The following PCDHGA1 variants were observed in gnomAD, a reference collection of about 807,000 sequenced individuals.
The protein encoded by PCDHGA1 is protocadherin gamma-A1.
Under a neutral mutation model 58.0 loss-of-function variants are expected in PCDHGA1, and 32 were observed. That is an observed-to-expected ratio of 0.55 (90% CI 0.42 to 0.74). The LOEUF is 0.74. Ranked by LOEUF, PCDHGA1 falls within the 30% of genes least tolerant of loss-of-function variation. The pLI is 0.00. For synonymous variants in PCDHGA1, 498 were observed against 501.1 expected (o/e 0.99, Z 0.08); for missense variants, 1,205 against 1,182.3 (o/e 1.02, Z -0.28).
At chr5:141,437,195 A>G (rs2097867163) in intron 1 of PCDHGA1, among the ~76,000 whole-genome samples, 2 of 152,180 alleles carry the variant, frequency 1.3e-5, no homozygotes, top group African/African-American at 4.8e-5. Context: ...ATGGGTTTGG[A>G]TGTGTTTACA....
At chr5:141,377,569 C>A (rs1774120455) in intron 1 of PCDHGA1, 1 of 151,048 alleles carries the variant, frequency 6.6e-6, no homozygotes, top group African/African-American at 2.4e-5. Context: ...GCACCCTAGC[C>A]TGGGAGACAG....
At chr5:141,414,890 C>T in intron 1 of PCDHGA1, 5 of 1,614,232 alleles carry the variant, frequency 3.1e-6, no homozygotes, top group Non-Finnish European at 4.2e-6. Context: ...CCCGCCCTCC[C>T]CACAGACGGT....
chr5:141,390,746 T>C (rs1391007986), intron 1 of PCDHGA1: 1 of 172,782 alleles, frequency 5.8e-6, no homozygotes, highest in African/African-American at 2.4e-5. Context: ...TCCATAGTAG[T>C]CCACTGTTTT....
chr5:141,338,786 C>A, intron 1 of PCDHGA1: 1 of 1,340,206 alleles, frequency 7.5e-7, no homozygotes, highest in Non-Finnish European at 9.5e-7. Flanking sequence ...TCCCACAGCA[C>A]AAGGGGGTGG....
rs1369501221 is a variant in PCDHGA1 at position 141,493,257 on chromosome 5, A to G, written c.2422-1550A>G. On this transcript the variant is annotated intron_variant, in intron 1 of 3. Coordinates refer to ENST00000517417, the MANE Select transcript of PCDHGA1 (RefSeq NM_018912.3). The surrounding 1 kb of genome is among the most constrained non-coding windows in gnomAD (Gnocchi z 4.3). ...GGCTAGGTACTAACATGCCTCTCTT[A>G]TAACAGCTTCACAGAGGTCAAGTGA... Among the ~76,000 whole-genome samples the G allele has an allele frequency of 6.6e-6, 1 of 152,190 alleles. No individual in the cohort carries two copies. Among genetic ancestry groups the G allele is most frequent in the South Asian group, 2.1e-4 (1 of 4,830 alleles).
chr5:141,393,902 G>A, intron 1 of PCDHGA1: 2 of 1,613,968 alleles, frequency 1.2e-6, no homozygotes, highest in Non-Finnish European at 8.5e-7. Context: ...CTCTTCCCGG[G>A]ACAGTAATTG....
intron 1 of PCDHGA1, among the ~76,000 whole-genome samples, chr5:141,470,737 G>A (rs117064561): frequency 6.6e-6 from 1 of 152,016 alleles, no homozygotes; most frequent in African/African-American, 2.4e-5. Flanking sequence ...TTGCTCTGTC[G>A]CCCTGGCTGG....
At chr5:141,412,163 T>G (rs1005929326) in intron 1 of PCDHGA1, 13 of 152,240 alleles carry the variant, frequency 8.5e-5, no homozygotes, top group African/African-American at 2.9e-4. Flanking sequence ...GAGAAGAGAT[T>G]ATTTATACTG....
intron 2 of PCDHGA1, among the ~76,000 whole-genome samples, chr5:141,499,010 AAGG>A (rs2099788390): frequency 6.6e-6 from 1 of 151,098 alleles, no homozygotes; most frequent in Non-Finnish European, 1.5e-5. Context: ...GGAAGGAAGG[AAGG>A]AAGGAAGGAA....
At chr5:141,452,472 A>C (rs995927368) in intron 1 of PCDHGA1, among the ~76,000 whole-genome samples, 6 of 152,170 alleles carry the variant, frequency 3.9e-5, no homozygotes, top group Non-Finnish European at 8.8e-5. Flanking sequence ...AGCTAGGAAA[A>C]ACACACATAA....
intron 1 of PCDHGA1, chr5:141,399,347 A>G: frequency 6.2e-7 from 1 of 1,613,926 alleles, no homozygotes. Flanking sequence ...GGAACCCTAG[A>G]CCGAGAGCAA....
At chr5:141,415,153 G>A in intron 1 of PCDHGA1, 4 of 1,613,780 alleles carry the variant, frequency 2.5e-6, no homozygotes, top group South Asian at 2.2e-5. Flanking sequence ...CCCTCTCTCC[G>A]CCACTGTCAC....
At chr5:141,400,681 T>A in intron 1 of PCDHGA1, 1 of 834,118 alleles carries the variant, frequency 1.2e-6, no homozygotes, top group Non-Finnish European at 1.9e-6. Context: ...CAGTAAATTG[T>A]GAGTTTTTAT....
At chr5:141,402,801 G>C (rs1218765657) in intron 1 of PCDHGA1, 6 of 1,078,624 alleles carry the variant, frequency 5.6e-6, no homozygotes, top group Middle Eastern at 3.2e-4. Flanking sequence ...CACAAAACCC[G>C]GCAGATACCA....
At chr5:141,404,234 G>C (rs2094500908) in intron 1 of PCDHGA1, 1 of 1,613,652 alleles carries the variant, frequency 6.2e-7, no homozygotes, top group South Asian at 1.1e-5. Flanking sequence ...AACAGACAGA[G>C]GAACTCCGCC....
At chr5:141,338,891 A>T in intron 1 of PCDHGA1, 1 of 1,473,840 alleles carries the variant, frequency 6.8e-7, no homozygotes, top group African/African-American at 1.4e-5. Flanking sequence ...AATGCTGGTT[A>T]TCTCACACCC....
intron 1 of PCDHGA1, chr5:141,394,617 G>T (rs369651266): frequency 8.1e-6 from 13 of 1,613,372 alleles, no homozygotes; most frequent in Non-Finnish European, 1.1e-5. Flanking sequence ...GGGCCAGAAC[G>T]CCTGGCTGTC....
intron 1 of PCDHGA1, among the ~76,000 whole-genome samples, chr5:141,444,838 T>G (rs2098448876): frequency 6.6e-6 from 1 of 152,214 alleles, no homozygotes; most frequent in African/African-American, 2.4e-5. Context: ...AGCTTTATAG[T>G]AAGTCTTGCT....
rs1213998742 is a variant in PCDHGA1, at chr5:141,357,158, C to T, written c.2421+24053C>T. ...GTCGTCCAGGACCATGGCCAGCCCC[C>T]TCTCTCGGCCACCGTCACACTCACT... is the stretch of plus-strand genomic sequence containing the variant. On this transcript the variant is annotated intron_variant, in intron 1 of 3. Coordinates refer to ENST00000517417, the MANE Select transcript of PCDHGA1 (RefSeq NM_018912.3). The T allele has an allele frequency of 1.6e-5, 26 of 1,613,554 alleles. No individual in the cohort carries two copies. Among genetic ancestry groups the T allele is most frequent in the African/African-American group, 4.0e-5 (3 of 74,958 alleles).
Sources: allele counts gnomAD v4.1 joint callset (sites outside exome capture counted in the v4.1 genomes callset), GRCh38; gene constraint gnomAD v4.1.1; non-coding constraint Gnocchi (gnomAD v3.1); transcripts MANE v1.5; gene names NCBI Gene and HGNC (gene_info 2026-07-23, HGNC 2026-07-21).